Variants in MAPK8 observed in about 807,000 individuals in gnomAD.
The protein encoded by MAPK8 is mitogen-activated protein kinase 8.
A neutral mutation model predicts 52.9 loss-of-function variants in MAPK8; 13 were observed. The observed-to-expected ratio is 0.25, with a 90% CI of 0.16 to 0.39. MAPK8 has a LOEUF of 0.39. MAPK8 is among the 10% of genes least tolerant of loss of function. MAPK8 has a pLI of 1.00. For synonymous variants in MAPK8, 191 were observed against 169.8 expected (o/e 1.12, Z -0.97); for missense variants, 300 against 519.2 (o/e 0.58, Z 4.10).
intron 3 of MAPK8, among the ~76,000 whole-genome samples, chr10:48,406,160 A>G (rs989998549): frequency 2.6e-5 from 4 of 152,184 alleles, no homozygotes; most frequent in Non-Finnish European, 4.4e-5. Context: ...GAAGGAAAGG[A>G]GCCTTCAGAG....
intron 1 of MAPK8, among the ~76,000 whole-genome samples, chr10:48,379,814 C>T (rs1054731437): frequency 3.9e-5 from 6 of 151,918 alleles, no homozygotes; most frequent in African/African-American, 1.5e-4. Flanking sequence ...ATGGTATCAT[C>T]TCCATAGTTA....
At chr10:48,426,847 T>C (rs1163567913) in intron 9 of MAPK8, 2 of 492,902 alleles carry the variant, frequency 4.1e-6, no homozygotes, top group South Asian at 2.6e-5. Flanking sequence ...ATAAATAAAA[T>C]GTGGCAATTT....
intron 1 of MAPK8, among the ~76,000 whole-genome samples, chr10:48,371,921 A>G (rs1369443859): frequency 2.0e-5 from 3 of 152,128 alleles, no homozygotes; most frequent in East Asian, 1.9e-4. Flanking sequence ...GAGAATACAG[A>G]TGAACAGCTA....
rs893565198 is a variant in MAPK8 at position 48,439,331 on chromosome 10, AAAG to A, written c.*4305_*4307del. 5 of 150,514 alleles carry A rather than the reference AAAG, an allele frequency of 3.3e-5. No homozygotes were observed. Among genetic ancestry groups the A allele is most frequent in the African/African-American group, 4.9e-5 (2 of 40,558 alleles). 9.3% of individuals were successfully genotyped at this position (150,514 alleles called of 1,614,324 possible). ...AATTGGTTATAATATTTTAAATAAA[AAAG>A]AAAAAAGTGGTATGAAAATTATGAA... is the stretch of plus-strand genomic sequence containing the variant. On this transcript the variant is annotated 3_prime_UTR_variant, in exon 12 of 12. Coordinates refer to ENST00000374189, the MANE Select transcript of MAPK8 (RefSeq NM_001323329.2).
intron 2 of MAPK8, 142 bp downstream of exon 2, chr10:48,401,924 A>G (rs1179708895): frequency 1.7e-6 from 1 of 604,056 alleles, no homozygotes; most frequent in East Asian, 3.7e-5. Context: ...ACTATTCCAC[A>G]GTAAATTGTT....
chr10:48,409,774 A>G (rs1364299585), intron 3 of MAPK8, 105 bp from the exon 4 acceptor site: 6 of 756,400 alleles, frequency 7.9e-6, no homozygotes, highest in Non-Finnish European at 1.3e-5. Flanking sequence ...GTAAAGAAAG[A>G]TTTTAAACTG....
intron 1 of MAPK8, among the ~76,000 whole-genome samples, chr10:48,315,423 A>C (rs10776592): frequency 0.83 from 126,208 of 152,132 alleles, 52,880 homozygotes; most frequent in African/African-American, 0.96. Flanking sequence ...GCTTCTATTA[A>C]ATGGATTCAG....
chr10:48,422,222 G>A (rs2043409074), intron 6 of MAPK8, among the ~76,000 whole-genome samples: 2 of 151,986 alleles, frequency 1.3e-5, no homozygotes, highest in Non-Finnish European at 2.9e-5. Flanking sequence ...AGTAGAGACA[G>A]GGTCTCATTA....
intron 1 of MAPK8, among the ~76,000 whole-genome samples, chr10:48,385,609 A>G (rs1291341101): frequency 1.3e-5 from 2 of 151,730 alleles, no homozygotes; most frequent in African/African-American, 4.9e-5. Context: ...GTAGTAAAAA[A>G]TGAGTTTTTT....
rs73293126 is a variant in MAPK8 at position 48,307,634 on chromosome 10, T to C, written c.-50+813T>C. Among the ~76,000 whole-genome samples, 625 of 152,362 alleles carry C rather than the reference T, an allele frequency of 4.1e-3. 6 individuals are homozygous for C. Among genetic ancestry groups the C allele is most frequent in the East Asian group, 0.017 (89 of 5,188 alleles). On this transcript the variant is annotated intron_variant, in intron 1 of 11. Transcript: ENST00000374189. ...GTTTTTATTTCTGAAAGTTCCCTGCTTGGTCTTTACTGCGAATTTAATAAC... is the reference window on the plus strand; with the variant it reads ...GTTTTTATTTCTGAAAGTTCCCTGCCTGGTCTTTACTGCGAATTTAATAAC...
At chr10:48,384,208 C>T (rs1391224071) in intron 1 of MAPK8, among the ~76,000 whole-genome samples, 2 of 152,140 alleles carry the variant, frequency 1.3e-5, no homozygotes, top group African/African-American at 4.8e-5. Flanking sequence ...GCCGAGATCA[C>T]GCTAGTGCAC....
At chr10:48,431,466 C>T (rs2044252495) in intron 11 of MAPK8, among the ~76,000 whole-genome samples, 196 bp downstream of exon 11, 1 of 152,180 alleles carries the variant, frequency 6.6e-6, no homozygotes, top group South Asian at 2.1e-4. Context: ...ATAAGATGCA[C>T]ATCTTTTTCT....
At chr10:48,426,740 G>A in intron 9 of MAPK8, 1 of 507,454 alleles carries the variant, frequency 2.0e-6, no homozygotes. Flanking sequence ...TACCTAACCA[G>A]AGAACTAGGA....
rs2044934283 is a variant in MAPK8 at position 48,437,367 on chromosome 10, G to A, written c.*2338G>A. ...GCATCTTAAACATTTTTTTTTTGAA[G>A]AGAAGTTACAAATAACATTTCTATC... On this transcript the variant is annotated 3_prime_UTR_variant, in exon 12 of 12. Coordinates refer to ENST00000374189, the MANE Select transcript of MAPK8 (RefSeq NM_001323329.2). 1 of 151,618 alleles carries A rather than the reference G, an allele frequency of 6.6e-6. No individual in the cohort carries two copies. Among genetic ancestry groups the A allele is most frequent in the Admixed American group, 6.6e-5 (1 of 15,252 alleles). 9.4% of individuals were successfully genotyped at this position (151,618 alleles called of 1,614,324 possible). A position where few individuals can be genotyped will look rare whatever the true frequency, so the allele number is the denominator to read the frequency against.
chr10:48,336,151 C>A (rs1383905713), intron 1 of MAPK8, among the ~76,000 whole-genome samples: 6 of 151,602 alleles, frequency 4.0e-5, no homozygotes, highest in African/African-American at 1.5e-4. Context: ...AAATTTCTAC[C>A]CTGACTGATG....
At chr10:48,383,241 C>T (rs2132755421) in intron 1 of MAPK8, among the ~76,000 whole-genome samples, 1 of 152,092 alleles carries the variant, frequency 6.6e-6, no homozygotes, top group African/African-American at 2.4e-5. Flanking sequence ...CCAGAACCAC[C>T]CCAAAGACAG....
intron 10 of MAPK8, chr10:48,430,656 A>G (rs2044143923): frequency 6.5e-6 from 1 of 153,710 alleles, no homozygotes; most frequent in Non-Finnish European, 1.4e-5. Context: ...AAGGAGTTGA[A>G]ATGTAGCTTA....
At chr10:48,323,962 T>C (rs532467560) in intron 1 of MAPK8, among the ~76,000 whole-genome samples, 4 of 152,334 alleles carry the variant, frequency 2.6e-5, no homozygotes, top group African/African-American at 9.6e-5. Context: ...TTTGGTTCCT[T>C]ACAACTGAAC....
At chr10:48,410,222 C>T in intron 5 of MAPK8, 54 bp downstream of exon 5, 3 of 1,419,850 alleles carry the variant, frequency 2.1e-6, no homozygotes, top group Non-Finnish European at 1.9e-6. Flanking sequence ...AGGTGAAATT[C>T]ATGTAACAAA....
Sources: allele counts gnomAD v4.1 joint callset (sites outside exome capture counted in the v4.1 genomes callset), GRCh38; gene constraint gnomAD v4.1.1; transcripts MANE v1.5; gene names NCBI Gene and HGNC (gene_info 2026-07-23, HGNC 2026-07-21).